INPP4B: variants seen among roughly 807,000 people sequenced by gnomAD.
The protein encoded by INPP4B is inositol polyphosphate 4-phosphatase type II.
In INPP4B, 55 loss-of-function variants were observed where a neutral mutation model predicts 122.5. That is an observed-to-expected ratio of 0.45 (90% CI 0.36 to 0.56). The LOEUF (loss-of-function observed/expected upper bound fraction) is 0.56. Among genes scored for constraint, INPP4B ranks in the 20% least tolerant of loss-of-function variants. The pLI, the probability that INPP4B is intolerant of heterozygous loss-of-function variation, is 0.00. For synonymous variants in INPP4B, 403 were observed against 388.7 expected (o/e 1.04, Z -0.43); for missense variants, 1,000 against 1,097.7 (o/e 0.91, Z 1.26).
chr4:142,694,772 G>A (rs74550001), intron 2 of INPP4B, among the ~76,000 whole-genome samples: 1,931 of 152,064 alleles, frequency 0.013, 19 homozygotes, highest in Middle Eastern at 0.02. Flanking sequence ...CCCTTAGAGG[G>A]TTCACGCTGA....
rs147217876 is a variant in INPP4B at position 142,456,953 on chromosome 4, GGAA to G, written c.-127+5707_-127+5709del. 7.6e-3 allele frequency among the ~76,000 whole-genome samples: 1,161 copies of G among 151,928 alleles called. 11 individuals are homozygous for G. The highest frequency in any genetic ancestry group is 0.026 in the African/African-American group (1,077 of 41,500). Reference sequence around the variant, plus strand: ...TTAATTTAAAAAATAACAAGACCTTGGAAGAAGAATAGTTACCGAATAATAAGA... The same window carrying G: ...TTAATTTAAAAAATAACAAGACCTTGGAAGAATAGTTACCGAATAATAAGA... On this transcript the variant is annotated intron_variant, in intron 3 of 25. Coordinates refer to ENST00000262992, the MANE Select transcript of INPP4B (RefSeq NM_001101669.3).
intron 2 of INPP4B, among the ~76,000 whole-genome samples, chr4:142,679,777 A>G (rs1393386225): frequency 2.6e-5 from 4 of 151,764 alleles, no homozygotes; most frequent in African/African-American, 9.7e-5. Context: ...TATGAGATTC[A>G]ATGCTTACTC....
At chr4:142,336,456 G>C (rs991937184) in intron 7 of INPP4B, among the ~76,000 whole-genome samples, 2 of 152,238 alleles carry the variant, frequency 1.3e-5, no homozygotes, top group African/African-American at 4.8e-5. Flanking sequence ...CAAGCCACGG[G>C]TGGCGGGACC....
intron 2 of INPP4B, among the ~76,000 whole-genome samples, chr4:142,469,667 A>G (rs1388918600): frequency 6.6e-6 from 1 of 152,182 alleles, no homozygotes; most frequent in African/African-American, 2.4e-5. Flanking sequence ...AAACATGGGT[A>G]TCCCAGAAAC....
intron 2 of INPP4B, among the ~76,000 whole-genome samples, chr4:142,486,280 C>T (rs759284663): frequency 6.6e-6 from 1 of 152,196 alleles, no homozygotes; most frequent in Non-Finnish European, 1.5e-5. Context: ...ATTTGTTCTA[C>T]ATTCTCACCA....
intron 7 of INPP4B, among the ~76,000 whole-genome samples, chr4:142,387,056 T>A (rs1225011284): frequency 6.6e-6 from 1 of 152,082 alleles, no homozygotes; most frequent in Non-Finnish European, 1.5e-5. Flanking sequence ...GGTTTGACAG[T>A]TGTGACAGAA....
chr4:142,760,113 T>C (rs900257549), intron 1 of INPP4B, among the ~76,000 whole-genome samples: 2 of 152,102 alleles, frequency 1.3e-5, no homozygotes, highest in Non-Finnish European at 2.9e-5. Flanking sequence ...CCAAGATCTG[T>C]CAGTGCAGTC....
intron 14 of INPP4B, among the ~76,000 whole-genome samples, chr4:142,205,739 T>TA (rs1230160458): frequency 6.6e-6 from 1 of 152,176 alleles, no homozygotes; most frequent in Non-Finnish European, 1.5e-5. Context: ...TCTAAAATAA[T>TA]ATAAACATTT....
At chr4:142,116,830 A>T (rs187704017) in intron 21 of INPP4B, among the ~76,000 whole-genome samples, 1 of 152,296 alleles carries the variant, frequency 6.6e-6, no homozygotes, top group Non-Finnish European at 1.5e-5. Context: ...ACTGAAGGAG[A>T]TAGAGACACA....
chr4:142,504,578 C>T (rs1823771780), intron 2 of INPP4B, among the ~76,000 whole-genome samples: 1 of 152,042 alleles, frequency 6.6e-6, no homozygotes, highest in African/African-American at 2.4e-5. Flanking sequence ...AACACAAAGA[C>T]AAAACCTTGT....
intron 10 of INPP4B, among the ~76,000 whole-genome samples, chr4:142,263,639 A>AATAT (rs36227189): frequency 0.023 from 959 of 41,674 alleles, 33 homozygotes; most frequent in Middle Eastern, 0.038. Context: ...AAATTCGTAA[A>AATAT]ATATATATAT....
At position 142,633,945 on chromosome 4, in the gene INPP4B, G is replaced by A. The variant is rs748494245; in HGVS notation, c.-191+91894C>T. 1.4e-4 allele frequency among the ~76,000 whole-genome samples: 21 copies of A among 151,918 alleles called. 1 individual carries two copies. Among genetic ancestry groups the A allele is most frequent in the Non-Finnish European group, 2.4e-4 (16 of 67,972 alleles). On this transcript the variant is annotated intron_variant, in intron 2 of 25. Coordinates refer to ENST00000262992, the MANE Select transcript of INPP4B (RefSeq NM_001101669.3). ...GGAGACTGAGGCAGGAGGATCAGCTGAGCCCAGGAGGTTGAGGCTCTGGTG... is the reference window on the plus strand; with the variant it reads ...GGAGACTGAGGCAGGAGGATCAGCTAAGCCCAGGAGGTTGAGGCTCTGGTG...
chr4:142,111,044 C>A (rs1456714870), intron 22 of INPP4B, among the ~76,000 whole-genome samples: 2 of 152,110 alleles, frequency 1.3e-5, no homozygotes, highest in Non-Finnish European at 1.5e-5. Flanking sequence ...TCATCTCAAA[C>A]ATTGAATTTG....
intron 2 of INPP4B, among the ~76,000 whole-genome samples, chr4:142,628,539 G>T (rs1747108204): frequency 8.7e-6 from 1 of 114,982 alleles, no homozygotes; most frequent in Non-Finnish European, 1.7e-5. Context: ...ATGTGCACAT[G>T]TACCCTAAAA....
chr4:142,032,777 C>T (rs554150605), intron 25 of INPP4B, among the ~76,000 whole-genome samples: 4 of 152,210 alleles, frequency 2.6e-5, no homozygotes, highest in South Asian at 2.1e-4. Flanking sequence ...TGTATATCAT[C>T]GAACTGCTAT....
At position 142,536,567 on chromosome 4, in the gene INPP4B, G is replaced by T. The variant is rs139744994; in HGVS notation, c.-190-73841C>A. ...AAAGAAAAAGAAGTGGCAGCTGCACGTAGAGTGGTGTGCCCTGGCATTTTT... is the reference window on the plus strand; with the variant it reads ...AAAGAAAAAGAAGTGGCAGCTGCACTTAGAGTGGTGTGCCCTGGCATTTTT... On this transcript the variant is annotated intron_variant, in intron 2 of 25. Transcript: ENST00000262992. 2.3e-3 allele frequency among the ~76,000 whole-genome samples: 355 copies of T among 152,204 alleles called. 1 individual carries two copies. The highest frequency in any genetic ancestry group is 8.3e-3 in the African/African-American group (343 of 41,528).
chr4:142,134,413 A>G (rs1188816675), intron 18 of INPP4B, among the ~76,000 whole-genome samples: 1 of 152,206 alleles, frequency 6.6e-6, no homozygotes, highest in Non-Finnish European at 1.5e-5. Context: ...AAACAGCATT[A>G]GTTTTCTGGT....
intron 2 of INPP4B, among the ~76,000 whole-genome samples, chr4:142,495,189 T>A (rs1171419856): frequency 2.0e-5 from 3 of 152,158 alleles, no homozygotes; most frequent in Admixed American, 6.6e-5. Context: ...AACTATAAAA[T>A]TAGTTCTTAA....
rs150275534 is a variant in INPP4B at position 142,031,364 on chromosome 4, G to A, written c.2643-2450C>T. On this transcript the variant is annotated intron_variant, in intron 25 of 25. Transcript: ENST00000262992. ...AGCCATGGCTGATTTCTAGTCCTTCGCAATCCCCAAACAAGTCCTATACAG... is the reference window on the plus strand; with the variant it reads ...AGCCATGGCTGATTTCTAGTCCTTCACAATCCCCAAACAAGTCCTATACAG... Among the ~76,000 whole-genome samples, 1,479 of 152,156 alleles carry A rather than the reference G, an allele frequency of 9.7e-3. 29 individuals are homozygous for A. The highest frequency in any genetic ancestry group is 0.034 in the African/African-American group (1,419 of 41,508).
Sources: gnomAD v4.1 joint callset for allele counts (sites outside exome capture counted in the v4.1 genomes callset) on GRCh38, gnomAD v4.1.1 for gene constraint, MANE v1.5 for transcripts, NCBI Gene and HGNC (gene_info 2026-07-23, HGNC 2026-07-21) for gene names.